RPH3A: variants seen among roughly 807,000 people sequenced by gnomAD.
RPH3A encodes the protein rabphilin 3A.
In RPH3A, 48 loss-of-function variants were observed where a neutral mutation model predicts 102.2. The ratio of observed to expected loss-of-function variants is 0.47; its 90% CI spans 0.37 to 0.60. RPH3A has a LOEUF of 0.60. RPH3A is among the 20% of genes least tolerant of loss of function. The probability of loss-of-function intolerance (pLI) is 0.00; values close to 1 mark genes in which losing one functional copy is unlikely to be tolerated. For missense variants in RPH3A, 781 were observed against 910.1 expected (o/e 0.86, Z 1.83); for synonymous variants, 310 against 324.3 (o/e 0.96, Z 0.47).
At chr12:112,873,400 T>C (rs1335472229) in intron 10 of RPH3A, among the ~76,000 whole-genome samples, 1 of 152,246 alleles carries the variant, frequency 6.6e-6, no homozygotes, top group South Asian at 2.1e-4. Context: ...CAAGTTCCAC[T>C]TGAGGGACTG....
At chr12:112,810,681 T>A (rs988033846) in intron 2 of RPH3A, among the ~76,000 whole-genome samples, 1 of 152,168 alleles carries the variant, frequency 6.6e-6, no homozygotes, top group Non-Finnish European at 1.5e-5. Flanking sequence ...ATGTTGTATG[T>A]TCCTGGCACT....
At chr12:112,708,785 T>C (rs902454029) in intron 1 of RPH3A, among the ~76,000 whole-genome samples, 3 of 152,106 alleles carry the variant, frequency 2.0e-5, no homozygotes, top group Non-Finnish European at 4.4e-5. Flanking sequence ...TAGAAGGACC[T>C]AAAGGTACCA....
intron 1 of RPH3A, among the ~76,000 whole-genome samples, chr12:112,706,580 G>A (rs577068621): frequency 1.5e-4 from 23 of 152,144 alleles, no homozygotes; most frequent in Non-Finnish European, 3.1e-4. Context: ...ATGGCTTTAG[G>A]AAGTGGTTTT....
At chr12:112,695,217 C>G (rs919931352) in intron 1 of RPH3A, 1 of 168,656 alleles carries the variant, frequency 5.9e-6, no homozygotes, top group Middle Eastern at 1.5e-3. Flanking sequence ...AATCCATAGA[C>G]AAGGATCAGA....
At chr12:112,587,433 G>T (rs1197629875) in intron 1 of RPH3A, among the ~76,000 whole-genome samples, 1 of 152,192 alleles carries the variant, frequency 6.6e-6, no homozygotes, top group African/African-American at 2.4e-5. Flanking sequence ...CCACTTCTGA[G>T]CTATGTGATC....
At chr12:112,646,032 A>C (rs964372828) in intron 1 of RPH3A, among the ~76,000 whole-genome samples, 6 of 152,160 alleles carry the variant, frequency 3.9e-5, no homozygotes, top group Non-Finnish European at 8.8e-5. Flanking sequence ...CATGGGTTGC[A>C]CTGGATTAAA....
chr12:112,861,505 T>C (rs368318505), intron 5 of RPH3A, among the ~76,000 whole-genome samples: 1 of 152,154 alleles, frequency 6.6e-6, no homozygotes, highest in African/African-American at 2.4e-5. Context: ...TCCCCGTGGC[T>C]GTACATGGCA....
At chr12:112,630,063 T>C (rs971056558) in intron 1 of RPH3A, among the ~76,000 whole-genome samples, 2 of 152,196 alleles carry the variant, frequency 1.3e-5, no homozygotes, top group South Asian at 4.2e-4. Flanking sequence ...GTTTTGTTTT[T>C]GCCTTCATAG....
At chr12:112,770,077 A>G (rs1256746905) in intron 1 of RPH3A, among the ~76,000 whole-genome samples, 2 of 152,164 alleles carry the variant, frequency 1.3e-5, no homozygotes, top group African/African-American at 4.8e-5. Context: ...ACATTAATAC[A>G]TATGTATTTC....
At chr12:112,812,780 T>A (rs1451835814) in intron 2 of RPH3A, among the ~76,000 whole-genome samples, 1 of 152,200 alleles carries the variant, frequency 6.6e-6, no homozygotes, top group African/African-American at 2.4e-5. Flanking sequence ...AGAGGAGTAA[T>A]GTGTATGTGC....
intron 1 of RPH3A, among the ~76,000 whole-genome samples, chr12:112,638,306 C>G (rs139875608): frequency 4.5e-4 from 69 of 152,256 alleles, no homozygotes; most frequent in African/African-American, 1.6e-3. Flanking sequence ...AGCCCTTTTT[C>G]TTTATAAATT....
At chr12:112,853,386 A>C (rs1293940491) in intron 5 of RPH3A, among the ~76,000 whole-genome samples, 3 of 152,136 alleles carry the variant, frequency 2.0e-5, no homozygotes, top group Non-Finnish European at 4.4e-5. Context: ...TTTTTTTCTC[A>C]AGAAACATAG....
At chr12:112,842,432 C>T (rs576336750) in intron 4 of RPH3A, among the ~76,000 whole-genome samples, 4 of 152,262 alleles carry the variant, frequency 2.6e-5, no homozygotes, top group Admixed American at 2.6e-4. Flanking sequence ...GAAACTAAGG[C>T]TCAGAGATGC....
chr12:112,756,404 G>T (rs982830554), intron 1 of RPH3A, among the ~76,000 whole-genome samples: 2 of 152,130 alleles, frequency 1.3e-5, no homozygotes, highest in East Asian at 3.8e-4. Context: ...TAGAGACAGG[G>T]TTTCACTTTG....
intron 2 of RPH3A, among the ~76,000 whole-genome samples, chr12:112,820,502 C>G (rs2041758816): frequency 6.6e-6 from 1 of 152,170 alleles, no homozygotes; most frequent in Non-Finnish European, 1.5e-5. Flanking sequence ...TTCTAAGCCT[C>G]GGTATCTCCA....
rs779379517 is a variant in RPH3A, at chr12:112,876,760, C to G, written c.1065C>G (p.Pro355=). Reference sequence around the variant, plus strand: ...ACCGAATGAGCCACCCCTCCGGACCCTATTCCCAAGCATCTGCAGCTGCCC... The same window carrying G: ...ACCGAATGAGCCACCCCTCCGGACCGTATTCCCAAGCATCTGCAGCTGCCC... ...REDRMSHPSG[P]YSQASAAAPQ... Residue 355 remains proline (P), a synonymous_variant, in exon 13 of 22, where the codon CCC becomes CCG. Transcript: ENST00000389385. 12 of 1,612,846 alleles carry G rather than the reference C, an allele frequency of 7.4e-6. No individual in the cohort carries two copies. The highest frequency in any genetic ancestry group is 1.0e-5 in the Non-Finnish European group (12 of 1,179,454).
At chr12:112,835,271 C>T (rs2042029906) in intron 3 of RPH3A, among the ~76,000 whole-genome samples, 2 of 152,196 alleles carry the variant, frequency 1.3e-5, no homozygotes, top group Admixed American at 1.3e-4. Flanking sequence ...TTCTTGCAGC[C>T]AAACTTATTT....
chr12:112,635,773 A>G (rs1424194832), intron 1 of RPH3A, among the ~76,000 whole-genome samples: 1 of 152,172 alleles, frequency 6.6e-6, no homozygotes, highest in African/African-American at 2.4e-5. Context: ...AGTAAGGCCC[A>G]TGAGGGAATG....
intron 1 of RPH3A, among the ~76,000 whole-genome samples, chr12:112,770,740 C>T (rs994870192): frequency 6.6e-6 from 1 of 152,080 alleles, no homozygotes; most frequent in African/African-American, 2.4e-5. Flanking sequence ...AGTCTTTGTT[C>T]CATCTTCATT....
Sources: allele counts gnomAD v4.1 joint callset (sites outside exome capture counted in the v4.1 genomes callset), GRCh38; gene constraint gnomAD v4.1.1; transcripts MANE v1.5; gene names NCBI Gene and HGNC (gene_info 2026-07-23, HGNC 2026-07-21).